CD200R1: variants seen among roughly 807,000 people sequenced by gnomAD.
CD200R1 encodes cell surface glycoprotein CD200 receptor 1.
In CD200R1, 30 loss-of-function variants were observed where a neutral mutation model predicts 38.1. The observed-to-expected ratio is 0.79, with a 90% CI of 0.59 to 1.07. The LOEUF (loss-of-function observed/expected upper bound fraction) is 1.07, where lower values mean the gene tolerates loss of function less well. Among genes scored for constraint, CD200R1 ranks in the 50% least tolerant of loss-of-function variants. CD200R1 has a pLI of 0.00. For missense variants in CD200R1, 372 were observed against 415.4 expected (o/e 0.90, Z 0.91); for synonymous variants, 128 against 152.1 (o/e 0.84, Z 1.16).
At position 112,923,324 on chromosome 3, in the gene CD200R1, TA is replaced by T. The variant is rs1490013261; in HGVS notation, c.*352del. 5.6e-6 allele frequency: 1 copy of T among 177,136 alleles called. No individual in the cohort carries two copies. Among genetic ancestry groups the T allele is most frequent in the African/African-American group, 2.4e-5 (1 of 41,662 alleles). The allele number at this position is 177,136 out of a possible 1,614,324, so 11.0% of individuals were successfully genotyped here. A position where few individuals can be genotyped will look rare whatever the true frequency, so the allele number is the denominator to read the frequency against. On this transcript the variant is annotated 3_prime_UTR_variant, in exon 8 of 8. Transcript: ENST00000308611. The stretch of plus-strand genomic sequence containing the variant: ...GCATATACACATGTCATATGTACAT[TA>T]AAATATTCTGAAAGGATACACAAGA...
At chr3:112,937,825 A>G (rs1191922804) in intron 2 of CD200R1, among the ~76,000 whole-genome samples, 2 of 152,200 alleles carry the variant, frequency 1.3e-5, no homozygotes, top group African/African-American at 2.4e-5. Context: ...ATCCATGAGC[A>G]TGGACTGTTT....
chr3:112,973,546 G>A (rs1443793954), intron 1 of CD200R1, among the ~76,000 whole-genome samples: 1 of 152,050 alleles, frequency 6.6e-6, no homozygotes, highest in East Asian at 1.9e-4. Context: ...TGTCTTCCAT[G>A]TCTACTTCAC....
In CD200R1 at chr3:112,957,702, C is replaced by G. The variant is rs150051490; in HGVS notation, c.68-9778G>C. ...GATATCATCAAGATAATGAAAGACA[C>G]ACCATACAGTAAAAGAAAATGTTTG... On this transcript the variant is annotated intron_variant, in intron 1 of 7. Transcript: ENST00000308611. Among the ~76,000 whole-genome samples, 99 of 152,148 alleles carry G rather than the reference C, an allele frequency of 6.5e-4. 1 individual carries two copies. The East Asian group carries it at 0.015, about 23-fold the overall frequency.
intron 1 of CD200R1, among the ~76,000 whole-genome samples, chr3:112,959,807 T>C (rs1932973517): frequency 6.6e-6 from 1 of 152,086 alleles, no homozygotes; most frequent in Non-Finnish European, 1.5e-5. Context: ...TGAACCACTA[T>C]GAATTATGCA....
intron 5 of CD200R1, among the ~76,000 whole-genome samples, chr3:112,925,508 G>A (rs575176045): frequency 6.6e-6 from 1 of 152,204 alleles, no homozygotes; most frequent in East Asian, 1.9e-4. Flanking sequence ...ATATAATACT[G>A]TACTGGTGGA....
At chr3:112,954,970 C>G (rs1941056732) in intron 1 of CD200R1, among the ~76,000 whole-genome samples, 1 of 152,096 alleles carries the variant, frequency 6.6e-6, no homozygotes, top group South Asian at 2.1e-4. Flanking sequence ...AAGTATATAG[C>G]ATCAGAATTG....
chr3:112,946,563 A>T (rs1006393547), intron 2 of CD200R1, among the ~76,000 whole-genome samples: 7 of 152,212 alleles, frequency 4.6e-5, no homozygotes, highest in African/African-American at 1.7e-4. Context: ...TATTTATGGA[A>T]AATAAGCATA....
At chr3:112,972,988 G>T (rs954602723) in intron 1 of CD200R1, among the ~76,000 whole-genome samples, 4 of 152,102 alleles carry the variant, frequency 2.6e-5, no homozygotes, top group African/African-American at 9.7e-5. Flanking sequence ...TTTAAATCCT[G>T]ATTTTAAACA....
chr3:112,926,776 T>C (rs939895390), intron 5 of CD200R1, among the ~76,000 whole-genome samples: 3 of 152,118 alleles, frequency 2.0e-5, no homozygotes, highest in African/African-American at 7.2e-5. Flanking sequence ...AAAATAATTT[T>C]TTTTTTAGTG....
chr3:112,923,549 A>T lies in CD200R1; in HGVS notation c.*128T>A, dbSNP rs1407138926. On this transcript the variant is annotated 3_prime_UTR_variant, in exon 8 of 8. Coordinates refer to ENST00000308611, the MANE Select transcript of CD200R1 (RefSeq NM_138806.4). Reference sequence around the variant, plus strand: ...AAGGGTATGAATGAGAATCCATTAAAATGTCTTCTAAGAACCTTGGAAAAC... The same window carrying T: ...AAGGGTATGAATGAGAATCCATTAATATGTCTTCTAAGAACCTTGGAAAAC... The T allele has an allele frequency of 1.8e-6, 1 of 543,122 alleles. No homozygotes were observed. Among genetic ancestry groups the T allele is most frequent in the Non-Finnish European group, 3.3e-6 (1 of 305,722 alleles). The allele number at this position is 543,122 out of a possible 1,614,324, so 33.6% of individuals were successfully genotyped here.
At chr3:112,923,853 C>A (rs201526473) in intron 7 of CD200R1, 54 bp from the exon 8 acceptor site, 269 of 1,180,780 alleles carry the variant, frequency 2.3e-4, no homozygotes, top group Non-Finnish European at 2.9e-4. Context: ...TAGAGACTAT[C>A]TGTATTTTTG....
intron 2 of CD200R1, among the ~76,000 whole-genome samples, chr3:112,940,538 C>A (rs1358238312): frequency 6.6e-6 from 1 of 151,596 alleles, no homozygotes; most frequent in African/African-American, 2.4e-5. Context: ...ATATGGTTAA[C>A]AAATACATGA....
intron 2 of CD200R1, among the ~76,000 whole-genome samples, chr3:112,946,032 C>CAA (rs1208921538): frequency 0.33 from 23,490 of 71,564 alleles, 4,337 homozygotes; most frequent in African/African-American, 0.41. Flanking sequence ...GACTCCGTCT[C>CAA]AAAAAAAAAA....
chr3:112,939,956 C>T (rs1211547604), intron 2 of CD200R1, among the ~76,000 whole-genome samples: 4 of 149,768 alleles, frequency 2.7e-5, no homozygotes, highest in African/African-American at 9.8e-5. Flanking sequence ...CAGCATGGTA[C>T]TGGCATAAAA....
chr3:112,940,151 C>T (rs1259649719), intron 2 of CD200R1, among the ~76,000 whole-genome samples: 1 of 151,392 alleles, frequency 6.6e-6, no homozygotes, highest in African/African-American at 2.4e-5. Context: ...CTGCCTCTCA[C>T]CCCATACAAA....
intron 4 of CD200R1, 22 bp downstream of exon 4, chr3:112,929,168 C>T (rs914325569): frequency 1.9e-6 from 3 of 1,613,938 alleles, no homozygotes; most frequent in Non-Finnish European, 2.5e-6. Context: ...TGTGAAATAC[C>T]TCAATATATG....
rs79758324 is a variant in CD200R1, at chr3:112,950,998, G to C, written c.68-3074C>G. Among the ~76,000 whole-genome samples the C allele has an allele frequency of 8.7e-3, 1,324 of 151,988 alleles. 9 individuals carry two copies. Among genetic ancestry groups the C allele is most frequent in the Non-Finnish European group, 0.014 (943 of 67,944 alleles). On this transcript the variant is annotated intron_variant, in intron 1 of 7. Coordinates refer to ENST00000308611, the MANE Select transcript of CD200R1 (RefSeq NM_138806.4). ...TCACCCATAGAAGCAAGAAACAAAA[G>C]AGAGAAAACACAATAATAAATATAA... is the stretch of plus-strand genomic sequence containing the variant.
At chr3:112,931,556 G>C (rs1191440379) in intron 2 of CD200R1, among the ~76,000 whole-genome samples, 1 of 152,056 alleles carries the variant, frequency 6.6e-6, no homozygotes, top group African/African-American at 2.4e-5. Context: ...AAAGTTATTT[G>C]GTCCAATGTT....
chr3:112,970,838 T>C (rs913679075), intron 1 of CD200R1, among the ~76,000 whole-genome samples: 2 of 152,078 alleles, frequency 1.3e-5, no homozygotes, highest in African/African-American at 4.8e-5. Context: ...TTCAGAAGAG[T>C]ATCTCCTCCT....
Sources: allele counts gnomAD v4.1 joint callset (sites outside exome capture counted in the v4.1 genomes callset), GRCh38; gene constraint gnomAD v4.1.1; transcripts MANE v1.5; gene names NCBI Gene and HGNC (gene_info 2026-07-23, HGNC 2026-07-21).